MYO5A: variants seen among roughly 807,000 people sequenced by gnomAD.
MYO5A encodes unconventional myosin-Va.
In MYO5A, 98 loss-of-function variants were observed where a neutral mutation model predicts 249.7. That is an observed-to-expected ratio of 0.39 (90% CI 0.33 to 0.46). The LOEUF (loss-of-function observed/expected upper bound fraction) is 0.46, where lower values mean the gene tolerates loss of function less well. Ranked by LOEUF, MYO5A falls within the 20% of genes least tolerant of loss-of-function variation. The pLI, the probability that MYO5A is intolerant of heterozygous loss-of-function variation, is 0.98. For missense variants in MYO5A, 1,696 were observed against 2,308.8 expected (o/e 0.73, Z 5.44); for synonymous variants, 778 against 810.6 (o/e 0.96, Z 0.68).
chr15:52,365,712 A>C (rs1284437269), intron 23 of MYO5A, among the ~76,000 whole-genome samples: 1 of 152,210 alleles, frequency 6.6e-6, no homozygotes, highest in African/African-American at 2.4e-5. Flanking sequence ...AAATGAATGA[A>C]TGAAAGAATT....
chr15:52,324,001 TCAAAAAAAAAA>T (rs2038462661), intron 36 of MYO5A: 1 of 11,180 alleles, frequency 8.9e-5, no homozygotes, highest in Non-Finnish European at 2.8e-4. Flanking sequence ...AGACTCTGTC[TCAAAAAAAAAA>T]AAAAAAAAAA....
At chr15:52,464,213 C>T (rs1326727662) in intron 1 of MYO5A, among the ~76,000 whole-genome samples, 1 of 152,338 alleles carries the variant, frequency 6.6e-6, no homozygotes, top group East Asian at 1.9e-4. Context: ...CATTGTGCTG[C>T]ATCTGAATTC....
At chr15:52,504,743 A>G (rs2077231010) in intron 1 of MYO5A, among the ~76,000 whole-genome samples, 1 of 152,174 alleles carries the variant, frequency 6.6e-6, no homozygotes, top group African/African-American at 2.4e-5. Context: ...TACAAAAATT[A>G]GCCGGGCATG....
rs916869557 is a variant in MYO5A, at chr15:52,346,534, G to A, written c.3859-73C>T. 32 of 932,796 alleles carry A rather than the reference G, an allele frequency of 3.4e-5. No individual in the cohort carries two copies. In the Middle Eastern group the frequency reaches 6.2e-4, roughly 18 times the overall value. The allele number at this position is 932,796 out of a possible 1,614,324, so 57.8% of individuals were successfully genotyped here. On this transcript the variant is annotated intron_variant, in intron 29 of 41. Transcript: ENST00000399233. ...TTTGGACATAAAACACATTTATTTG[G>A]TATAACTGGGGGGCAGTGGTTATGT...
At chr15:52,463,971 A>G (rs1217089558) in intron 1 of MYO5A, among the ~76,000 whole-genome samples, 1 of 152,218 alleles carries the variant, frequency 6.6e-6, no homozygotes, top group East Asian at 1.9e-4. Flanking sequence ...ATACAATTAC[A>G]TTTGAGAACA....
intron 34 of MYO5A, among the ~76,000 whole-genome samples, chr15:52,334,822 A>G (rs1171465855): frequency 6.6e-6 from 1 of 152,230 alleles, no homozygotes; most frequent in African/African-American, 2.4e-5. Flanking sequence ...AAAATATGAC[A>G]TAGTGAAGAC....
At chr15:52,452,621 G>A (rs994829788) in intron 1 of MYO5A, among the ~76,000 whole-genome samples, 2 of 151,970 alleles carry the variant, frequency 1.3e-5, no homozygotes, top group Non-Finnish European at 2.9e-5. Context: ...CAAATCCCTA[G>A]CCAGCCTTTC....
chr15:52,434,616 A>G (rs1227693137), intron 1 of MYO5A, among the ~76,000 whole-genome samples: 1 of 152,238 alleles, frequency 6.6e-6, no homozygotes, highest in Non-Finnish European at 1.5e-5. Flanking sequence ...CTCCCTGGAC[A>G]TAAGCCAGAA....
intron 1 of MYO5A, among the ~76,000 whole-genome samples, chr15:52,445,880 T>G (rs1056636916): frequency 1.3e-5 from 2 of 152,194 alleles, no homozygotes; most frequent in Admixed American, 1.3e-4. Context: ...GTGGCCCGAC[T>G]GCTTCGAACA....
intron 11 of MYO5A, 128 bp downstream of exon 11, chr15:52,396,188 G>T: frequency 1.5e-6 from 1 of 660,712 alleles, no homozygotes; most frequent in Non-Finnish European, 2.7e-6. Flanking sequence ...TTCATTAATC[G>T]TCAGTTCTAA....
chr15:52,410,690 G>A (rs1165646724), intron 5 of MYO5A, among the ~76,000 whole-genome samples: 1 of 150,932 alleles, frequency 6.6e-6, no homozygotes, highest in Non-Finnish European at 1.5e-5. Context: ...AGGTTCAAGT[G>A]ATTCTCCTGC....
rs34647073 is a variant in MYO5A at position 52,310,554 on chromosome 15, GAAC to G, written c.*3139_*3141del. ...TGAAGGAATGCATGCAGAGAAGTAA[GAAC>G]AACAAGGACTGTGCAAAGATTGGGC... On this transcript the variant is annotated 3_prime_UTR_variant, in exon 42 of 42. Transcript: ENST00000399233. 0.15 allele frequency: 23,334 copies of G among 152,214 alleles called. 1,841 individuals are homozygous for G. The highest frequency in any genetic ancestry group is 0.22 in the Middle Eastern group (64 of 296). 9.4% of individuals were successfully genotyped at this position (152,214 alleles called of 1,614,324 possible). A position where few individuals can be genotyped will look rare whatever the true frequency, so the allele number is the denominator to read the frequency against.
At chr15:52,429,842 G>T (rs1181609672) in intron 2 of MYO5A, among the ~76,000 whole-genome samples, 2 of 152,062 alleles carry the variant, frequency 1.3e-5, no homozygotes, top group Admixed American at 1.3e-4. Flanking sequence ...TGGCCTCAAG[G>T]GATCCTCCTG....
chr15:52,316,756 G>C (rs757920112), intron 40 of MYO5A, among the ~76,000 whole-genome samples: 2 of 152,188 alleles, frequency 1.3e-5, no homozygotes, highest in African/African-American at 2.4e-5. Flanking sequence ...TGAGAGCAGA[G>C]ACTTTGTTTT....
At chr15:52,476,909 C>T (rs1217560763) in intron 1 of MYO5A, among the ~76,000 whole-genome samples, 1 of 152,050 alleles carries the variant, frequency 6.6e-6, no homozygotes, top group Admixed American at 6.6e-5. Context: ...TTGTGGTGTT[C>T]TCTGTATTTC....
intron 4 of MYO5A, among the ~76,000 whole-genome samples, chr15:52,417,343 T>A (rs888064317): frequency 6.6e-6 from 1 of 152,270 alleles, no homozygotes; most frequent in African/African-American, 2.4e-5. Flanking sequence ...CAAAGAAATT[T>A]AATTTGTTTA....
chr15:52,371,946 T>C (rs573100010), intron 21 of MYO5A, among the ~76,000 whole-genome samples, 178 bp downstream of exon 21: 33 of 151,368 alleles, frequency 2.2e-4, no homozygotes, highest in African/African-American at 8.0e-4. Context: ...GTTTTTGCAA[T>C]TGTGATCCAC....
intron 16 of MYO5A, among the ~76,000 whole-genome samples, chr15:52,382,524 T>C (rs563041030): frequency 3.9e-5 from 6 of 152,304 alleles, no homozygotes; most frequent in Admixed American, 6.5e-5. Context: ...TAAGCCGAGA[T>C]CGCGTTATTG....
chr15:52,377,157 C>T (rs1449654922), intron 18 of MYO5A, among the ~76,000 whole-genome samples: 2 of 152,192 alleles, frequency 1.3e-5, no homozygotes, highest in Non-Finnish European at 2.9e-5. Context: ...GGTGTAGTGG[C>T]TCACGTGTGT....
Sources: gnomAD v4.1 joint callset for allele counts (sites outside exome capture counted in the v4.1 genomes callset) on GRCh38, gnomAD v4.1.1 for gene constraint, MANE v1.5 for transcripts, NCBI Gene and HGNC (gene_info 2026-07-23, HGNC 2026-07-21) for gene names.